Variants in YAE1 observed in about 807,000 individuals in gnomAD.
The protein encoded by YAE1 is protein YAE1 homolog.
A neutral mutation model predicts 23.0 loss-of-function variants in YAE1; 22 were observed. The ratio of observed to expected loss-of-function variants is 0.96; its 90% confidence interval spans 0.68 to 1.37. YAE1 has a LOEUF of 1.37. YAE1 is among the 40% of genes most tolerant of loss of function. The pLI, the probability that YAE1 is intolerant of heterozygous loss-of-function variation, is 0.00. For synonymous variants in YAE1, 101 were observed against 97.0 expected, an observed-to-expected ratio of 1.04 and a Z score of -0.24; for missense variants, 260 against 262.1, an observed-to-expected ratio of 0.99 and a Z score of 0.06.
intron 2 of YAE1, among the ~76,000 whole-genome samples, chr7:39,604,381 A>G (rs966993689): frequency 6.6e-6 from 1 of 152,322 alleles, no homozygotes; most frequent in Admixed American, 6.5e-5. Context: ...TAATTGTCTT[A>G]GACCAATCAG....
chr7:39,575,565 A>AGAGAGAGAGT (rs1562590520), downstream of YAE1, among the ~76,000 whole-genome samples: 1 of 110,676 alleles, frequency 9.0e-6, no homozygotes, highest in Non-Finnish European at 1.8e-5. Flanking sequence ...AGAGAGAGAG[A>AGAGAGAGAGT]GAGAGAGAGA....
intron 2 of YAE1, among the ~76,000 whole-genome samples, chr7:39,599,705 TTTTTATTTA>T (rs1381004083): frequency 6.6e-6 from 1 of 151,666 alleles, no homozygotes; most frequent in African/African-American, 2.4e-5. Context: ...TTTTTTATTG[TTTTTATTTA>T]TTTTATTTAT....
chr7:39,567,823 A>T (rs1790497913), intron 1 of YAE1, among the ~76,000 whole-genome samples: 1 of 152,194 alleles, frequency 6.6e-6, no homozygotes, highest in Non-Finnish European at 1.5e-5. Flanking sequence ...AGAAGGGGAC[A>T]TTACAGAAAT....
At chr7:39,612,083 T>C (rs1478865206), downstream of YAE1, among the ~76,000 whole-genome samples, 1 of 151,334 alleles carries the variant, frequency 6.6e-6, no homozygotes, top group Non-Finnish European at 1.5e-5. Flanking sequence ...ATAAATTACT[T>C]AAGTTATTTG....
At chr7:39,599,372 T>TTTTTTGTTTTTG (rs147011949) in intron 2 of YAE1, among the ~76,000 whole-genome samples, 3 of 151,676 alleles carry the variant, frequency 2.0e-5, no homozygotes, top group African/African-American at 7.3e-5. Context: ...TTTGTTTTGT[T>TTTTTTGTTTTTG]TTTTTGTTTT....
downstream of YAE1, among the ~76,000 whole-genome samples, chr7:39,610,472 T>C (rs1791195965): frequency 6.6e-6 from 1 of 152,236 alleles, no homozygotes; most frequent in Non-Finnish European, 1.5e-5. Flanking sequence ...TATCTTTCTT[T>C]TCTGTTCATC....
At chr7:39,601,758 CA>C (rs5883699) in intron 2 of YAE1, among the ~76,000 whole-genome samples, 103,564 of 130,646 alleles carry the variant, frequency 0.79, 40,123 homozygotes, top group East Asian at 0.98. Context: ...GACTCTGTCT[CA>C]AAAAAAAAAA....
At chr7:39,602,561 G>A (rs1791068322) in intron 2 of YAE1, among the ~76,000 whole-genome samples, 1 of 152,130 alleles carries the variant, frequency 6.6e-6, no homozygotes, top group African/African-American at 2.4e-5. Flanking sequence ...GTCTATCATA[G>A]AAAAAAATGT....
intron 2 of YAE1, among the ~76,000 whole-genome samples, chr7:39,599,611 T>C (rs1289092449): frequency 6.6e-6 from 1 of 152,156 alleles, no homozygotes. Flanking sequence ...TATTACCTCC[T>C]ATAATTATAG....
chr7:39,566,682 G>T, intron 1 of YAE1, 135 bp downstream of exon 1: 1 of 1,223,228 alleles, frequency 8.2e-7, no homozygotes, highest in Admixed American at 2.9e-5. Flanking sequence ...TCCGACCCGC[G>T]TCTTGCTAGG....
intron 2 of YAE1, among the ~76,000 whole-genome samples, chr7:39,604,837 G>A (rs1055859594): frequency 1.4e-4 from 22 of 152,108 alleles, no homozygotes; most frequent in African/African-American, 5.3e-4. Context: ...ATGTGTCACA[G>A]AAATCATATA....
At chr7:39,599,531 C>T (rs537105195) in intron 2 of YAE1, among the ~76,000 whole-genome samples, 19 of 151,944 alleles carry the variant, frequency 1.3e-4, no homozygotes, top group African/African-American at 4.6e-4. Flanking sequence ...TGTGCCACCA[C>T]GCCTGGCCAG....
chr7:39,579,417 A>C (rs73375695), intron 2 of YAE1, among the ~76,000 whole-genome samples: 1 of 151,994 alleles, frequency 6.6e-6, no homozygotes, highest in Non-Finnish European at 1.5e-5. Context: ...GTTAATTTCT[A>C]TTTTTCTATG....
At chr7:39,566,651 T>C in intron 1 of YAE1, 104 bp downstream of exon 1, 3 of 1,493,148 alleles carry the variant, frequency 2.0e-6, no homozygotes, top group Non-Finnish European at 9.0e-7. Flanking sequence ...GGCGCTGCTC[T>C]CTTTATCCCT....
chr7:39,605,849 C>T (rs1234841178), intron 2 of YAE1, among the ~76,000 whole-genome samples: 1 of 152,088 alleles, frequency 6.6e-6, no homozygotes, highest in Non-Finnish European at 1.5e-5. Flanking sequence ...TCTAGATTAT[C>T]GTTTTTACTT....
At chr7:39,573,105 T>C (rs1185469471), downstream of YAE1, among the ~76,000 whole-genome samples, 1 of 152,014 alleles carries the variant, frequency 6.6e-6, no homozygotes, top group Admixed American at 6.6e-5. Context: ...AATAACTTAA[T>C]AGTTAACGTA....
Position 39,597,195 on chromosome 7 carries a change from C to A in YAE1, c.252-12422C>A, listed in dbSNP as rs116978798. Among the ~76,000 whole-genome samples, 569 of 152,240 alleles carry A rather than the reference C, an allele frequency of 3.7e-3. 3 individuals are homozygous for A. The highest frequency in any genetic ancestry group is 4.7e-3 in the Non-Finnish European group (322 of 68,010). On this transcript the variant is annotated intron_variant, in intron 2 of 2. Coordinates refer to the YAE1 transcript ENST00000432096. ...TAAAAGAAAATATTTAGCCTAGTAA[C>A]GCTTTCTCTCATTATTCATGATGTG... is the stretch of plus-strand genomic sequence containing the variant.
intron 2 of YAE1, among the ~76,000 whole-genome samples, chr7:39,591,383 AC>A (rs1224180944): frequency 1.3e-5 from 2 of 152,194 alleles, no homozygotes; most frequent in Non-Finnish European, 2.9e-5. Context: ...AGTACTAAAT[AC>A]TTTTTAAGCA....
At chr7:39,566,676 A>C in intron 1 of YAE1, 129 bp downstream of exon 1, 1 of 1,269,740 alleles carries the variant, frequency 7.9e-7, no homozygotes. Flanking sequence ...ACCCGGTCCG[A>C]CCCGCGTCTT....
Sources: gnomAD v4.1 joint callset for allele counts (sites outside exome capture counted in the v4.1 genomes callset) on GRCh38, gnomAD v4.1.1 for gene constraint, MANE v1.5 for transcripts, NCBI Gene and HGNC (gene_info 2026-07-23, HGNC 2026-07-21) for gene names.